Variants in SYT16 observed in about 807,000 individuals in gnomAD.
SYT16 encodes synaptotagmin 16.
A neutral mutation model predicts 61.4 loss-of-function variants in SYT16; 42 were observed. The ratio of observed to expected loss-of-function variants is 0.68; its 90% confidence interval spans 0.53 to 0.89. The LOEUF (loss-of-function observed/expected upper bound fraction) is 0.89. SYT16 is among the 40% of genes least tolerant of loss of function. SYT16 has a pLI of 0.00. For missense variants in SYT16, 804 were observed against 807.3 expected (o/e 1.00, Z 0.05); for synonymous variants, 314 against 302.3 (o/e 1.04, Z -0.40).
chr14:62,043,914 C>G (rs770468580), intron 3 of SYT16, among the ~76,000 whole-genome samples: 1 of 152,074 alleles, frequency 6.6e-6, no homozygotes, highest in Non-Finnish European at 1.5e-5. Context: ...CTCAAGCAAT[C>G]CTCCTACCTC....
intron 1 of SYT16, among the ~76,000 whole-genome samples, chr14:61,923,785 C>T (rs1011694624): frequency 6.6e-6 from 1 of 151,956 alleles, no homozygotes; most frequent in South Asian, 2.1e-4. Context: ...AAAAAAAGTT[C>T]TTGAAAATCA....
intron 7 of SYT16, among the ~76,000 whole-genome samples, chr14:62,090,137 C>T (rs1389798421): frequency 1.3e-5 from 2 of 152,202 alleles, no homozygotes; most frequent in East Asian, 3.8e-4. Context: ...TTCTCTTTCT[C>T]CATCTTCAGC....
chr14:61,921,484 T>G (rs143456379), intron 1 of SYT16, among the ~76,000 whole-genome samples: 2,338 of 152,294 alleles, frequency 0.015, 39 homozygotes, highest in South Asian at 0.028. Context: ...TCTGTTACAT[T>G]CATAACCTTA....
chr14:62,049,029 C>T (rs1258007925), intron 3 of SYT16, among the ~76,000 whole-genome samples: 5 of 152,118 alleles, frequency 3.3e-5, no homozygotes, highest in African/African-American at 9.7e-5. Flanking sequence ...CCTGGATATC[C>T]TTGTGAAATT....
At chr14:61,970,906 ACTCTT>A (rs1320887044) in intron 2 of SYT16, among the ~76,000 whole-genome samples, 1 of 150,940 alleles carries the variant, frequency 6.6e-6, no homozygotes, top group African/African-American at 2.4e-5. Flanking sequence ...TAAAGAGAAT[ACTCTT>A]ATCTTACAGA....
intron 3 of SYT16, among the ~76,000 whole-genome samples, chr14:62,048,688 G>A (rs183726552): frequency 2.6e-5 from 4 of 152,062 alleles, no homozygotes; most frequent in Non-Finnish European, 5.9e-5. Flanking sequence ...CTTTGTTCTT[G>A]TTGGTTTCAA....
At chr14:62,000,452 G>A (rs530269670) in intron 3 of SYT16, among the ~76,000 whole-genome samples, 2 of 151,804 alleles carry the variant, frequency 1.3e-5, no homozygotes, top group East Asian at 3.9e-4. Flanking sequence ...TTATGTGGTA[G>A]GTTTCTAGTA....
At chr14:62,028,374 A>G (rs1381082761) in intron 3 of SYT16, among the ~76,000 whole-genome samples, 6 of 152,196 alleles carry the variant, frequency 3.9e-5, no homozygotes, top group African/African-American at 2.4e-5. Flanking sequence ...CCTCCCAACA[A>G]TTCTGTAAAT....
chr14:61,823,946 T>C (rs2045695192), intron 1 of SYT16, among the ~76,000 whole-genome samples: 1 of 152,260 alleles, frequency 6.6e-6, no homozygotes, highest in Admixed American at 6.5e-5. Flanking sequence ...TCCATGTCCC[T>C]TTCTTGAAAC....
chr14:62,052,678 T>A (rs1437617931), intron 3 of SYT16, among the ~76,000 whole-genome samples: 3 of 152,178 alleles, frequency 2.0e-5, no homozygotes, highest in Admixed American at 1.3e-4. Context: ...GTAGAGTGTT[T>A]GGGAATTAAT....
chr14:62,081,656 T>C (rs1241523183), intron 6 of SYT16, among the ~76,000 whole-genome samples: 1 of 152,206 alleles, frequency 6.6e-6, no homozygotes, highest in East Asian at 1.9e-4. Context: ...TTAACGGGTA[T>C]GCTGGGGCAG....
chr14:61,870,771 T>A (rs1344805093), intron 1 of SYT16, among the ~76,000 whole-genome samples: 2 of 152,226 alleles, frequency 1.3e-5, no homozygotes, highest in Non-Finnish European at 2.9e-5. Flanking sequence ...ATTATATTAT[T>A]CATCTCCATA....
rs763646374 is a variant in SYT16, at chr14:62,075,295, A to G, written c.897A>G (p.Gln299=). ...ESSVVQSLRR[Q]STEGSLEMET... ...GTGTGGTCCAAAGCCTCAGGCGCCAATCCACAGAGGGCAGCTTGGAGATGG... is the reference window on the plus strand; with the variant it reads ...GTGTGGTCCAAAGCCTCAGGCGCCAGTCCACAGAGGGCAGCTTGGAGATGG... Residue 299 remains glutamine (Q), a synonymous_variant, in exon 5 of 8, where the codon CAA becomes CAG. Transcript: ENST00000683842. The G allele has an allele frequency of 5.0e-6, 8 of 1,613,776 alleles. No homozygotes were observed. The highest frequency in any genetic ancestry group is 2.2e-5 in the South Asian group (2 of 91,080).
intron 1 of SYT16, among the ~76,000 whole-genome samples, chr14:61,912,149 T>G (rs1333258226): frequency 6.6e-6 from 1 of 152,212 alleles, no homozygotes; most frequent in Non-Finnish European, 1.5e-5. Flanking sequence ...TATTTGATAC[T>G]ACTGCTCTGG....
chr14:62,011,930 TA>T (rs1165751689), intron 3 of SYT16, among the ~76,000 whole-genome samples: 8 of 147,550 alleles, frequency 5.4e-5, no homozygotes, highest in African/African-American at 2.1e-4. Context: ...CACACACATA[TA>T]TATATATATA....
At chr14:61,981,799 A>G (rs1566736187) in intron 2 of SYT16, among the ~76,000 whole-genome samples, 1 of 152,214 alleles carries the variant, frequency 6.6e-6, no homozygotes, top group Non-Finnish European at 1.5e-5. Context: ...CAGTTGGAAT[A>G]TGAGCAGCCC....
chr14:61,928,422 T>C (rs1381960023), intron 1 of SYT16, among the ~76,000 whole-genome samples: 1 of 152,226 alleles, frequency 6.6e-6, no homozygotes, highest in Non-Finnish European at 1.5e-5. Context: ...TTTAACATAG[T>C]CTTGACCTTG....
intron 3 of SYT16, among the ~76,000 whole-genome samples, chr14:61,997,848 G>A (rs764591055): frequency 2.6e-5 from 4 of 151,932 alleles, no homozygotes; most frequent in Admixed American, 1.3e-4. Context: ...TTTTGTAATT[G>A]TAAAATCTAA....
At chr14:62,045,345 C>G (rs997457806) in intron 3 of SYT16, among the ~76,000 whole-genome samples, 1 of 152,022 alleles carries the variant, frequency 6.6e-6, no homozygotes, top group Non-Finnish European at 1.5e-5. Flanking sequence ...GAAGGTTGGA[C>G]AAAGGTGTAT....
Sources: gnomAD v4.1 joint callset for allele counts (sites outside exome capture counted in the v4.1 genomes callset) on GRCh38, gnomAD v4.1.1 for gene constraint, MANE v1.5 for transcripts, NCBI Gene and HGNC (gene_info 2026-07-23, HGNC 2026-07-21) for gene names.